The following SYCP1 variants were observed in gnomAD, a reference collection of about 807,000 sequenced individuals.
SYCP1 encodes synaptonemal complex protein 1.
In SYCP1, 64 loss-of-function variants were observed where a neutral mutation model predicts 153.1. The ratio of observed to expected loss-of-function variants is 0.42; its 90% CI spans 0.34 to 0.51. The LOEUF is 0.51. SYCP1 is among the 20% of genes least tolerant of loss of function. The probability of loss-of-function intolerance (pLI) is 0.06; values close to 1 mark genes in which losing one functional copy is unlikely to be tolerated. For missense variants in SYCP1, 997 were observed against 1,049.0 expected (o/e 0.95, Z 0.68); for synonymous variants, 384 against 341.8 (o/e 1.12, Z -1.36).
chr1:114,972,228 G>A (rs188601027), intron 27 of SYCP1, among the ~76,000 whole-genome samples: 1 of 151,900 alleles, frequency 6.6e-6, no homozygotes, highest in Non-Finnish European at 1.5e-5. Context: ...AACCTCTAGC[G>A]ATCCTTTGAA....
intron 28 of SYCP1, among the ~76,000 whole-genome samples, chr1:114,979,198 C>G (rs1311392512): frequency 6.6e-6 from 1 of 150,698 alleles, no homozygotes; most frequent in African/African-American, 2.4e-5. Flanking sequence ...TTAAATTTAC[C>G]AAACGTTTCT....
intron 9 of SYCP1, 82 bp downstream of exon 9, chr1:114,874,646 C>G: frequency 1.3e-6 from 1 of 758,154 alleles, no homozygotes; most frequent in South Asian, 2.2e-5. Context: ...ATATGGACAA[C>G]TATTCTTACT....
At chr1:114,968,182 C>A (rs1672257612) in intron 27 of SYCP1, among the ~76,000 whole-genome samples, 1 of 152,108 alleles carries the variant, frequency 6.6e-6, no homozygotes, top group Non-Finnish European at 1.5e-5. Context: ...CTAGGAGTAT[C>A]TTTGTGGTGT....
intron 12 of SYCP1, 60 bp downstream of exon 12, chr1:114,878,262 A>G: frequency 9.0e-7 from 1 of 1,111,406 alleles, no homozygotes; most frequent in Non-Finnish European, 1.3e-6. Flanking sequence ...TATGTTCTAA[A>G]CATTGACTTT....
intron 30 of SYCP1, among the ~76,000 whole-genome samples, chr1:114,994,473 C>T (rs992849036): frequency 3.3e-5 from 5 of 151,072 alleles, no homozygotes; most frequent in Non-Finnish European, 5.9e-5. Context: ...AAATCTAGGT[C>T]CTTTCTTGGC....
intron 27 of SYCP1, among the ~76,000 whole-genome samples, chr1:114,962,718 C>G (rs1015617367): frequency 6.6e-6 from 1 of 151,998 alleles, no homozygotes; most frequent in African/African-American, 2.4e-5. Context: ...CTATTTGTTG[C>G]CTGAATACCT....
chr1:114,895,486 C>A lies in SYCP1; in HGVS notation c.1297C>A (p.Leu433Ile). 1 of 1,522,314 alleles carries A rather than the reference C, an allele frequency of 6.6e-7. No individual in the cohort carries two copies. The highest frequency in any genetic ancestry group is 8.9e-7 in the Non-Finnish European group (1 of 1,118,556). The allele number at this position is 1,522,314 out of a possible 1,614,324, so 94.3% of individuals were successfully genotyped here. Reference sequence around the variant, plus strand: ...GCTTACAAATAACAAAGAAGTAGAACTTGAAGAATTGAAAAAAGTCTTGGT... The same window carrying A: ...GCTTACAAATAACAAAGAAGTAGAAATTGAAGAATTGAAAAAAGTCTTGGT... Reference protein sequence around the residue: ...TKLTNNKEVELEELKKVLGEK... With the variant: ...TKLTNNKEVEIEELKKVLGEK... Residue 433 changes from leucine (L) to isoleucine (I), a missense_variant, in exon 16 of 32, where the codon CTT becomes ATT. Physicochemically the swap from Leu to Ile is conservative, Grantham distance 5. This residue lies in a region of SYCP1 where 712 missense variants were observed against 682.9 expected (regional missense o/e 1.04). Coordinates refer to ENST00000369522, the MANE Select transcript of SYCP1 (RefSeq NM_003176.4).
In SYCP1 at chr1:114,910,427, A is replaced by C. The variant is rs955534763; in HGVS notation, c.1351A>C (p.Lys451Gln). Residue 451 changes from lysine to glutamine, a missense_variant, in exon 17 of 32, where the codon AAA becomes CAA. Coordinates refer to ENST00000369522, the MANE Select transcript of SYCP1 (RefSeq NM_003176.4). ...AAAGGAAACACTTTTATATGAAAAT[A>C]AACAATTTGAGAAGATTGCTGAAGA... ...GEKETLLYEN[K>Q]QFEKIAEELK... is the part of the protein sequence containing the mutation. 3 of 1,604,096 alleles carry C rather than the reference A, an allele frequency of 1.9e-6. No homozygotes were observed. In the African/African-American group the frequency reaches 4.0e-5, roughly 22 times the overall value.
chr1:114,954,822 G>A (rs150515490), intron 27 of SYCP1, among the ~76,000 whole-genome samples: 2,340 of 152,056 alleles, frequency 0.015, 51 homozygotes, highest in African/African-American at 0.053. Flanking sequence ...CTCGCGATCC[G>A]CCTGCCTCGG....
chr1:114,900,506 C>G (rs1570730394), intron 16 of SYCP1, among the ~76,000 whole-genome samples: 1 of 152,294 alleles, frequency 6.6e-6, no homozygotes, highest in East Asian at 1.9e-4. Context: ...GTCTCAAATT[C>G]CTGACCACAA....
intron 8 of SYCP1, 95 bp from the exon 9 acceptor site, chr1:114,874,411 T>C: frequency 1.4e-6 from 1 of 731,422 alleles, no homozygotes; most frequent in Non-Finnish European, 2.3e-6. Flanking sequence ...ACACAGAATT[T>C]TAAATATTTT....
intron 27 of SYCP1, among the ~76,000 whole-genome samples, chr1:114,973,208 T>C (rs1672601383): frequency 6.6e-6 from 1 of 152,116 alleles, no homozygotes; most frequent in African/African-American, 2.4e-5. Flanking sequence ...TTAGTGAGTC[T>C]CTTTTTGTGC....
intron 27 of SYCP1, among the ~76,000 whole-genome samples, chr1:114,950,598 T>G (rs1486681025): frequency 6.6e-6 from 1 of 152,118 alleles, no homozygotes; most frequent in Admixed American, 6.6e-5. Flanking sequence ...TTAGGTGTTC[T>G]TCTTCTATTT....
chr1:114,941,489 T>C (rs1349735418), intron 23 of SYCP1, among the ~76,000 whole-genome samples: 1 of 152,200 alleles, frequency 6.6e-6, no homozygotes, highest in Non-Finnish European at 1.5e-5. Context: ...AAATAGCATG[T>C]AGCCAGAGTT....
intron 16 of SYCP1, among the ~76,000 whole-genome samples, chr1:114,908,548 A>G (rs1010459929): frequency 6.6e-6 from 1 of 151,972 alleles, no homozygotes; most frequent in East Asian, 1.9e-4. Context: ...TTTTATTTCA[A>G]TGTTTTTTCT....
At chr1:114,939,618 G>A (rs1437801439) in intron 23 of SYCP1, among the ~76,000 whole-genome samples, 1 of 152,116 alleles carries the variant, frequency 6.6e-6, no homozygotes, top group African/African-American at 2.4e-5. Flanking sequence ...AAGAACAATG[G>A]TTGCCTCAGT....
intron 12 of SYCP1, among the ~76,000 whole-genome samples, chr1:114,881,591 A>G (rs1665945785): frequency 6.8e-6 from 1 of 146,374 alleles, no homozygotes; most frequent in Non-Finnish European, 1.5e-5. Flanking sequence ...CAGTGGCACA[A>G]TCATGCCCTC....
At chr1:114,946,479 A>G in intron 26 of SYCP1, 98 bp downstream of exon 26, 1 of 657,790 alleles carries the variant, frequency 1.5e-6, no homozygotes, top group Non-Finnish European at 2.5e-6. Context: ...TTTTTGAGCT[A>G]TAGAATCAGA....
In SYCP1 at chr1:114,876,130, AT is replaced by A; in HGVS notation, c.723del (p.Phe241LeufsTer3). On this transcript the variant is annotated frameshift_variant, in exon 10 of 32. Transcript: ENST00000369522. LOFTEE classifies it high-confidence loss of function. The part of the protein sequence containing the change: ...VQAENSRLEM[H>X]FKLKEDYEKI... ...GCTGAGAATTCCAGACTGGAAATGCATTTTAAGTGTAGGTATAGGGATCTTA... is the reference window on the plus strand; with the variant it reads ...GCTGAGAATTCCAGACTGGAAATGCATTTAAGTGTAGGTATAGGGATCTTA... 1.3e-6 allele frequency: 2 copies of A among 1,583,760 alleles called. No homozygotes were observed. Among genetic ancestry groups the A allele is most frequent in the Non-Finnish European group, 8.6e-7 (1 of 1,164,474 alleles).
Sources: allele counts gnomAD v4.1 joint callset (sites outside exome capture counted in the v4.1 genomes callset), GRCh38; gene constraint gnomAD v4.1.1; regional missense constraint gnomAD v4.1.1; transcripts MANE v1.5; gene names NCBI Gene and HGNC (gene_info 2026-07-23, HGNC 2026-07-21).